PCDH9: variants seen among roughly 807,000 people sequenced by gnomAD.
PCDH9 encodes the protein protocadherin 9, also known as protocadherin-9.
A neutral mutation model predicts 70.6 loss-of-function variants in PCDH9; 24 were observed. That is an observed-to-expected ratio of 0.34 (90% CI 0.25 to 0.48). PCDH9 has a LOEUF of 0.48. PCDH9 is among the 20% of genes least tolerant of loss of function. The probability of loss-of-function intolerance (pLI) is 0.99; values close to 1 mark genes in which losing one functional copy is unlikely to be tolerated. For synonymous variants in PCDH9, 562 were observed against 558.5 expected (o/e 1.01, Z -0.09); for missense variants, 1,281 against 1,503.6 (o/e 0.85, Z 2.45).
chr13:66,475,096 C>T (rs1440514488), intron 4 of PCDH9, among the ~76,000 whole-genome samples: 1 of 152,006 alleles, frequency 6.6e-6, no homozygotes, highest in African/African-American at 2.4e-5. Context: ...TATAAAATTT[C>T]TGAGAAAAAG....
chr13:66,452,670 G>A (rs904816192), intron 4 of PCDH9, among the ~76,000 whole-genome samples: 1 of 151,872 alleles, frequency 6.6e-6, no homozygotes, highest in Non-Finnish European at 1.5e-5. Context: ...ATCCAAGAAT[G>A]CAATTACTTT....
Position 66,752,463 on chromosome 13 carries a change from T to A in PCDH9, c.3139-121052A>T, listed in dbSNP as rs1784824466. Among the ~76,000 whole-genome samples the A allele has an allele frequency of 2.0e-5, 3 of 151,968 alleles. No individual in the cohort carries two copies. In the South Asian group the frequency reaches 6.2e-4, roughly 32 times the overall value. ...AGGCACATGCCACCATGCTCAGCTG[T>A]TTTTTGTATTTTTTGTAGAGACAGG... On this transcript the variant is annotated intron_variant, in intron 3 of 4. Transcript: ENST00000377865.
chr13:66,399,973 T>C (rs1957160677), intron 4 of PCDH9, among the ~76,000 whole-genome samples: 1 of 152,134 alleles, frequency 6.6e-6, no homozygotes, highest in Non-Finnish European at 1.5e-5. Context: ...TCCAATTCAA[T>C]TTAAGAGAAG....
chr13:66,488,357 C>T (rs1300623700), intron 4 of PCDH9, among the ~76,000 whole-genome samples: 8 of 152,018 alleles, frequency 5.3e-5, no homozygotes, highest in African/African-American at 1.7e-4. Context: ...TCCTAATTAA[C>T]GATTCAGTTA....
At chr13:66,471,077 C>T (rs1157258362) in intron 4 of PCDH9, among the ~76,000 whole-genome samples, 1 of 151,820 alleles carries the variant, frequency 6.6e-6, no homozygotes, top group Non-Finnish European at 1.5e-5. Flanking sequence ...GATTCCTTAT[C>T]GTGTAAGCCA....
At chr13:66,730,038 T>A (rs1358251573) in intron 3 of PCDH9, among the ~76,000 whole-genome samples, 1 of 152,200 alleles carries the variant, frequency 6.6e-6, no homozygotes, top group East Asian at 1.9e-4. Context: ...TGTATTTATT[T>A]CCTTTTAAAA....
intron 4 of PCDH9, among the ~76,000 whole-genome samples, chr13:66,526,609 G>A (rs1032740117): frequency 6.6e-6 from 1 of 151,666 alleles, no homozygotes; most frequent in Admixed American, 6.6e-5. Context: ...ACCATAATTT[G>A]TCTTTTTATG....
At chr13:66,791,380 C>G (rs962976750) in intron 3 of PCDH9, among the ~76,000 whole-genome samples, 1 of 152,032 alleles carries the variant, frequency 6.6e-6, no homozygotes, top group African/African-American at 2.4e-5. Flanking sequence ...TTATGCTATG[C>G]TGGTAAACAT....
chr13:66,949,040 C>T (rs2083135888), intron 2 of PCDH9, among the ~76,000 whole-genome samples: 1 of 151,956 alleles, frequency 6.6e-6, no homozygotes, highest in Admixed American at 6.6e-5. Context: ...CTTTTCAGTT[C>T]TTTCATTTGA....
chr13:66,414,098 T>G (rs1957421672), intron 4 of PCDH9, among the ~76,000 whole-genome samples: 1 of 151,950 alleles, frequency 6.6e-6, no homozygotes, highest in Non-Finnish European at 1.5e-5. Context: ...AAGACTACAC[T>G]GGAAAAAAAA....
chr13:66,548,608 C>A (rs534472566), intron 4 of PCDH9, among the ~76,000 whole-genome samples: 18 of 151,876 alleles, frequency 1.2e-4, no homozygotes, highest in Non-Finnish European at 2.4e-4. Context: ...AAAATAAAAA[C>A]AGTTTCTGTA....
intron 4 of PCDH9, among the ~76,000 whole-genome samples, chr13:66,591,520 A>G (rs2077039428): frequency 6.6e-6 from 1 of 151,630 alleles, no homozygotes. Context: ...AGTCTTATCA[A>G]GTAGTGTGAT....
At chr13:67,027,950 A>G (rs1334176810) in intron 2 of PCDH9, among the ~76,000 whole-genome samples, 1 of 150,782 alleles carries the variant, frequency 6.6e-6, no homozygotes, top group Non-Finnish European at 1.5e-5. Flanking sequence ...GAGAAATAGG[A>G]ACACTTTTAC....
intron 3 of PCDH9, among the ~76,000 whole-genome samples, chr13:66,697,898 G>T (rs1021046808): frequency 6.6e-6 from 1 of 152,112 alleles, no homozygotes; most frequent in Non-Finnish European, 1.5e-5. Context: ...TGGATGAATG[G>T]TAAACAAAAT....
intron 4 of PCDH9, among the ~76,000 whole-genome samples, chr13:66,348,830 T>C (rs1363142201): frequency 6.6e-6 from 1 of 152,162 alleles, no homozygotes; most frequent in Non-Finnish European, 1.5e-5. Context: ...GACTTTTATG[T>C]TCAACAAATT....
chr13:67,006,230 AC>A (rs1305070445), intron 2 of PCDH9, among the ~76,000 whole-genome samples: 6 of 152,138 alleles, frequency 3.9e-5, no homozygotes, highest in African/African-American at 7.2e-5. Context: ...CCGTCTCAAA[AC>A]AAACAAACAA....
At chr13:66,435,453 A>G (rs1593974981) in intron 4 of PCDH9, among the ~76,000 whole-genome samples, 1 of 152,270 alleles carries the variant, frequency 6.6e-6, no homozygotes, top group East Asian at 1.9e-4. Context: ...TAACATTTGC[A>G]TTGGTAGCAC....
intron 2 of PCDH9, among the ~76,000 whole-genome samples, chr13:67,093,877 A>G (rs1029254257): frequency 2.0e-5 from 3 of 152,146 alleles, no homozygotes; most frequent in African/African-American, 7.2e-5. Context: ...TTCTTGGTAA[A>G]TTTACTTTCT....
intron 2 of PCDH9, among the ~76,000 whole-genome samples, chr13:67,023,214 G>T (rs545301042): frequency 6.6e-6 from 1 of 150,664 alleles, no homozygotes. Flanking sequence ...TTTGTTTACA[G>T]TTACACTACT....
Sources: gnomAD v4.1 joint callset for allele counts (sites outside exome capture counted in the v4.1 genomes callset) on GRCh38, gnomAD v4.1.1 for gene constraint, MANE v1.5 for transcripts, NCBI Gene and HGNC (gene_info 2026-07-23, HGNC 2026-07-21) for gene names.